UMODL1: variants seen among roughly 807,000 people sequenced by gnomAD.
UMODL1 encodes the protein uromodulin like 1, also known as uromodulin-like 1.
Under a neutral mutation model 136.3 loss-of-function variants are expected in UMODL1, and 128 were observed. The ratio of observed to expected loss-of-function variants is 0.94; its 90% CI spans 0.81 to 1.09. UMODL1 has a LOEUF of 1.09. Ranked by LOEUF, UMODL1 falls within the 50% of genes least tolerant of loss-of-function variation. The pLI is 0.00. For missense variants in UMODL1, 1,766 were observed against 1,725.6 expected, an observed-to-expected ratio of 1.02 and a Z score of -0.41; for synonymous variants, 721 against 720.0, an observed-to-expected ratio of 1.00 and a Z score of -0.02.
At chr21:42,086,836 C>T (rs996627315) in intron 4 of UMODL1, among the ~76,000 whole-genome samples, 5 of 152,200 alleles carry the variant, frequency 3.3e-5, no homozygotes, top group East Asian at 1.9e-4. Context: ...CGTGGTGGCA[C>T]GTGCCTGTAA....
intron 12 of UMODL1, among the ~76,000 whole-genome samples, chr21:42,112,257 C>T (rs151286799): frequency 1.6e-3 from 239 of 151,416 alleles, no homozygotes; most frequent in African/African-American, 5.3e-3. Flanking sequence ...TCTGCACCCC[C>T]GGCTCTTCTG....
chr21:42,114,519 C>T (rs1414282765), intron 13 of UMODL1, among the ~76,000 whole-genome samples: 1 of 151,362 alleles, frequency 6.6e-6, no homozygotes, highest in Non-Finnish European at 1.5e-5. Flanking sequence ...CACGGTGGGG[C>T]GCACACCCCT....
chr21:42,086,432 A>G, intron 4 of UMODL1: 1 of 437,490 alleles, frequency 2.3e-6, no homozygotes, highest in Non-Finnish European at 4.6e-6. Context: ...TGCACACCTC[A>G]TGTTGTTCTG....
intron 2 of UMODL1, among the ~76,000 whole-genome samples, chr21:42,078,172 C>T (rs894615225): frequency 1.4e-4 from 21 of 145,258 alleles, no homozygotes; most frequent in Non-Finnish European, 3.1e-4. Flanking sequence ...CAGAGCAACA[C>T]CTCCATCACC....
At chr21:42,102,391 T>C (rs901953740) in intron 8 of UMODL1, 113 bp downstream of exon 8, 1 of 796,438 alleles carries the variant, frequency 1.3e-6, no homozygotes, top group South Asian at 1.8e-5. Context: ...CAAAAATACA[T>C]GTTACTGCAG....
chr21:42,089,981 T>C (rs2066471196), intron 5 of UMODL1, among the ~76,000 whole-genome samples: 1 of 152,152 alleles, frequency 6.6e-6, no homozygotes, highest in African/African-American at 2.4e-5. Context: ...GGTGGGATGT[T>C]TTGGCCCCAC....
At position 42,114,579 on chromosome 21, in the gene UMODL1, G is replaced by A. The variant is rs547806001; in HGVS notation, c.2362+749G>A. On this transcript the variant is annotated intron_variant, in intron 13 of 22. Coordinates refer to ENST00000408910, the MANE Select transcript of UMODL1 (RefSeq NM_001004416.3). ...CACTGTGGGCAGCATTGATAGCAGT[G>A]GTCTGCACAGTGGGGCGCACACCCC... 2.2e-4 allele frequency among the ~76,000 whole-genome samples: 34 copies of A among 151,528 alleles called. No homozygotes were observed. In the South Asian group the frequency reaches 3.3e-3, roughly 15 times the overall value.
intron 10 of UMODL1, among the ~76,000 whole-genome samples, chr21:42,110,210 G>A (rs763404477): frequency 1.8e-4 from 28 of 152,300 alleles, no homozygotes; most frequent in Non-Finnish European, 3.1e-4. Context: ...TGAGTGGGTC[G>A]GGGATACCTG....
At chr21:42,133,840 T>C (rs1416662040) in intron 21 of UMODL1, among the ~76,000 whole-genome samples, 2 of 152,196 alleles carry the variant, frequency 1.3e-5, no homozygotes, top group Non-Finnish European at 2.9e-5. Context: ...CATTTCCAAA[T>C]AAGGCCATGC....
At position 42,095,506 on chromosome 21, in the gene UMODL1, T is replaced by C. The variant is rs149236864; in HGVS notation, c.932-3420T>C. ...TGTATAAATCCCCCCGATTCTCTTT[T>C]ATAAGGACACTTGTGATTGCATTTA... On this transcript the variant is annotated intron_variant, in intron 6 of 22. Transcript: ENST00000408910. Among the ~76,000 whole-genome samples, 538 of 152,272 alleles carry C rather than the reference T, an allele frequency of 3.5e-3. 9 individuals are homozygous for C. Among genetic ancestry groups the C allele is most frequent in the Admixed American group, 0.032 (484 of 15,290 alleles).
chr21:42,108,819 G>A (rs376251092), intron 9 of UMODL1, among the ~76,000 whole-genome samples: 1 of 145,058 alleles, frequency 6.9e-6, no homozygotes, highest in Non-Finnish European at 1.5e-5. Flanking sequence ...GGAGACACCC[G>A]GGTGCTCTAG....
chr21:42,076,554 G>T (rs1176107898), intron 2 of UMODL1, among the ~76,000 whole-genome samples: 3 of 152,140 alleles, frequency 2.0e-5, no homozygotes, highest in African/African-American at 4.8e-5. Context: ...CTCCTGGATG[G>T]CTTTAAAAAT....
Position 42,098,992 on chromosome 21 carries a change from G to A in UMODL1, c.998G>A (p.Arg333His), listed in dbSNP as rs139395128. Residue 333 changes from arginine (R) to histidine (H), a missense_variant, in exon 7 of 23, where the codon CGT (arginine) becomes CAT (histidine). Physicochemically the swap from Arg to His is conservative, Grantham distance 29 (BLOSUM62 0). Transcript: ENST00000408910. ...VTSDSFQVSW[R>H]LNSTQNHTFH... Reference sequence around the variant, plus strand: ...AGTGACAGTTTTCAAGTATCCTGGCGTTTAAATTCTACACAGAACCACACT... The same window carrying A: ...AGTGACAGTTTTCAAGTATCCTGGCATTTAAATTCTACACAGAACCACACT... 172 of 1,614,162 alleles carry A rather than the reference G, an allele frequency of 1.1e-4. 2 individuals carry two copies. In the African/African-American group the frequency reaches 1.5e-3, roughly 14 times the overall value.
chr21:42,141,038 G>A (rs2067275338), intron 22 of UMODL1, among the ~76,000 whole-genome samples: 1 of 152,192 alleles, frequency 6.6e-6, no homozygotes, highest in Non-Finnish European at 1.5e-5. Context: ...CCCCAGCCAA[G>A]CCCGTCTTCC....
chr21:42,124,722 G>A (rs1490337294), intron 17 of UMODL1, among the ~76,000 whole-genome samples: 2 of 152,074 alleles, frequency 1.3e-5, no homozygotes, highest in Admixed American at 1.3e-4. Flanking sequence ...GTTCCTGGTC[G>A]TTGGCGGGAA....
intron 21 of UMODL1, among the ~76,000 whole-genome samples, chr21:42,130,373 C>T (rs917758725): frequency 2.6e-5 from 4 of 152,088 alleles, no homozygotes; most frequent in African/African-American, 9.7e-5. Flanking sequence ...TTTCAAAACC[C>T]CACATCAACT....
In UMODL1 at chr21:42,119,159, G is replaced by A. The variant is rs886717545; in HGVS notation, c.2524G>A (p.Gly842Arg). The change falls in exon 15 of 23, where the codon GGG becomes AGG. Residue 842 changes from glycine to arginine, a missense_variant. By Grantham distance (125) the Gly-to-Arg change is moderately radical. Coordinates refer to ENST00000408910, the MANE Select transcript of UMODL1 (RefSeq NM_001004416.3). ...ATMCQHMDAG[G>R]VRMEVVSVTN... The stretch of plus-strand genomic sequence containing the variant: ...CATGTGTCAGCACATGGACGCTGGT[G>A]GGGTCAGGATGGAAGTCGTCAGCGT... 3 of 1,614,018 alleles carry A rather than the reference G, an allele frequency of 1.9e-6. No homozygotes were observed. The highest frequency in any genetic ancestry group is 1.7e-4 in the Middle Eastern group (1 of 5,934).
chr21:42,106,172 C>T (rs758013978), intron 9 of UMODL1, among the ~76,000 whole-genome samples: 82 of 152,140 alleles, frequency 5.4e-4, no homozygotes, highest in Non-Finnish European at 1.1e-3. Context: ...CTGGTGTCTT[C>T]GGACGCCAGA....
chr21:42,107,290 G>A (rs1000639937), intron 9 of UMODL1, among the ~76,000 whole-genome samples: 2 of 152,184 alleles, frequency 1.3e-5, no homozygotes, highest in South Asian at 2.1e-4. Flanking sequence ...GACTCCCACC[G>A]GCATCCTTCT....
Sources: allele counts gnomAD v4.1 joint callset (sites outside exome capture counted in the v4.1 genomes callset), GRCh38; gene constraint gnomAD v4.1.1; transcripts MANE v1.5; gene names NCBI Gene and HGNC (gene_info 2026-07-23, HGNC 2026-07-21).